Variants in PLA2G4A observed in about 807,000 individuals in gnomAD.
PLA2G4A encodes the protein cytosolic phospholipase A2.
In PLA2G4A, 40 loss-of-function variants were observed where a neutral mutation model predicts 81.9. The observed-to-expected ratio is 0.49, with a 90% CI of 0.38 to 0.64. The LOEUF (loss-of-function observed/expected upper bound fraction) is 0.64. Ranked by LOEUF, PLA2G4A falls within the 30% of genes least tolerant of loss-of-function variation. PLA2G4A has a pLI of 0.00. For missense variants in PLA2G4A, 715 were observed against 905.1 expected (o/e 0.79, Z 2.69); for synonymous variants, 302 against 296.9 (o/e 1.02, Z -0.18).
intron 1 of PLA2G4A, among the ~76,000 whole-genome samples, chr1:186,847,395 T>A (rs1237750759): frequency 6.6e-6 from 1 of 151,778 alleles, no homozygotes; most frequent in Non-Finnish European, 1.5e-5. Context: ...TGTCTATAGT[T>A]GTTTGCAATA....
chr1:186,954,413 G>C (rs931590817), intron 13 of PLA2G4A, among the ~76,000 whole-genome samples: 1 of 152,038 alleles, frequency 6.6e-6, no homozygotes, highest in Non-Finnish European at 1.5e-5. Context: ...CACCGGGTGG[G>C]GAACATCACA....
In PLA2G4A at chr1:186,870,886, G is replaced by A. The variant is rs12720509; in HGVS notation, c.115+370G>A. 1,101 of 492,260 alleles carry A rather than the reference G, an allele frequency of 2.2e-3. 4 individuals are homozygous for A. The highest frequency in any genetic ancestry group is 3.2e-3 in the Non-Finnish European group (872 of 272,592). The allele number at this position is 492,260 out of a possible 1,614,324, so 30.5% of individuals were successfully genotyped here. On this transcript the variant is annotated intron_variant, in intron 3 of 17. Coordinates refer to ENST00000367466, the MANE Select transcript of PLA2G4A (RefSeq NM_024420.3). Reference sequence around the variant, plus strand: ...CTGGATCTTTGAACGATAACATTTCGAACAGTTCTCTGATGCTATCTGTCA... The same window carrying A: ...CTGGATCTTTGAACGATAACATTTCAAACAGTTCTCTGATGCTATCTGTCA...
At chr1:186,841,179 T>C (rs1651966330) in intron 1 of PLA2G4A, among the ~76,000 whole-genome samples, 1 of 152,214 alleles carries the variant, frequency 6.6e-6, no homozygotes, top group African/African-American at 2.4e-5. Context: ...AACAATCTAA[T>C]ATTTGAAAGT....
At chr1:186,986,277 A>G (rs1657889087) in intron 17 of PLA2G4A, among the ~76,000 whole-genome samples, 1 of 152,224 alleles carries the variant, frequency 6.6e-6, no homozygotes, top group South Asian at 2.1e-4. Flanking sequence ...AATTGATAGC[A>G]GCAATCATTG....
intron 3 of PLA2G4A, among the ~76,000 whole-genome samples, chr1:186,885,954 CA>C (rs1021536112): frequency 1.3e-5 from 2 of 151,908 alleles, no homozygotes; most frequent in Non-Finnish European, 2.9e-5. Context: ...GGGAATAGGG[CA>C]AAAGTAATAT....
At chr1:186,976,843 A>G (rs1307292623) in intron 15 of PLA2G4A, among the ~76,000 whole-genome samples, 2 of 152,198 alleles carry the variant, frequency 1.3e-5, no homozygotes, top group African/African-American at 4.8e-5. Flanking sequence ...CTGACTGCGA[A>G]CACGTATTTC....
At chr1:186,893,249 G>C in intron 4 of PLA2G4A, 90 bp downstream of exon 4, 1 of 1,091,928 alleles carries the variant, frequency 9.2e-7, no homozygotes, top group Non-Finnish European at 1.4e-6. Context: ...TTTTGTTCCT[G>C]TTAGCTATAG....
intron 15 of PLA2G4A, among the ~76,000 whole-genome samples, chr1:186,967,768 A>G (rs1011071772): frequency 6.6e-6 from 1 of 152,098 alleles, no homozygotes; most frequent in Non-Finnish European, 1.5e-5. Flanking sequence ...ATCTGATTAG[A>G]AGTGACAGAT....
chr1:186,843,460 A>T (rs1293666006), intron 1 of PLA2G4A, among the ~76,000 whole-genome samples: 1 of 152,226 alleles, frequency 6.6e-6, no homozygotes, highest in Non-Finnish European at 1.5e-5. Context: ...TAGTAATTGA[A>T]TTATCACTCC....
chr1:186,872,341 C>A (rs1653303696), intron 3 of PLA2G4A, among the ~76,000 whole-genome samples: 1 of 152,082 alleles, frequency 6.6e-6, no homozygotes, highest in African/African-American at 2.4e-5. Flanking sequence ...CCACCATACT[C>A]TTAAGAAAAG....
chr1:186,932,920 T>C (rs755003493), intron 8 of PLA2G4A, 21 bp downstream of exon 8: 11 of 1,574,878 alleles, frequency 7.0e-6, no homozygotes, highest in Non-Finnish European at 9.6e-6. Flanking sequence ...ATTTTTAATT[T>C]TAGTTTTATA....
chr1:186,945,947 G>C (rs1656323034), intron 10 of PLA2G4A, among the ~76,000 whole-genome samples: 1 of 152,116 alleles, frequency 6.6e-6, no homozygotes, highest in African/African-American at 2.4e-5. Flanking sequence ...CTATCTACTT[G>C]TGATATGTGA....
chr1:186,939,285 T>C, intron 9 of PLA2G4A, 55 bp downstream of exon 9: 1 of 710,800 alleles, frequency 1.4e-6, no homozygotes, highest in South Asian at 2.0e-5. Context: ...GAACATATTA[T>C]AATATTATAT....
chr1:186,878,398 T>C (rs971531665), intron 3 of PLA2G4A, among the ~76,000 whole-genome samples: 8 of 149,568 alleles, frequency 5.3e-5, no homozygotes, highest in African/African-American at 2.0e-4. Flanking sequence ...AAATCAGTCT[T>C]CAGGTTATGA....
At chr1:186,893,220 G>T (rs917604361) in intron 4 of PLA2G4A, 61 bp downstream of exon 4, 1 of 1,440,710 alleles carries the variant, frequency 6.9e-7, no homozygotes, top group Non-Finnish European at 9.8e-7. Flanking sequence ...ACATGCTTGA[G>T]TTTGTCCTTT....
intron 3 of PLA2G4A, among the ~76,000 whole-genome samples, chr1:186,881,254 C>T (rs571510196): frequency 1.3e-5 from 2 of 152,102 alleles, no homozygotes; most frequent in Admixed American, 1.3e-4. Context: ...ATGAAATGTA[C>T]AGCTTAACTT....
chr1:186,870,118 A>T (rs1231694774), intron 2 of PLA2G4A, among the ~76,000 whole-genome samples: 2 of 152,144 alleles, frequency 1.3e-5, no homozygotes, highest in African/African-American at 4.8e-5. Flanking sequence ...AGGGCTTCCT[A>T]GTCAACAAGT....
At chr1:186,891,498 C>T (rs1211773103) in intron 3 of PLA2G4A, among the ~76,000 whole-genome samples, 3 of 152,112 alleles carry the variant, frequency 2.0e-5, no homozygotes, top group African/African-American at 7.2e-5. Context: ...CTTCTGCCCC[C>T]TCCATGGGTT....
At chr1:186,846,018 T>A (rs1652160545) in intron 1 of PLA2G4A, among the ~76,000 whole-genome samples, 1 of 152,182 alleles carries the variant, frequency 6.6e-6, no homozygotes, top group Non-Finnish European at 1.5e-5. Flanking sequence ...TTATTTAGCT[T>A]AGTTATAAGA....
Sources: gnomAD v4.1 joint callset for allele counts (sites outside exome capture counted in the v4.1 genomes callset) on GRCh38, gnomAD v4.1.1 for gene constraint, MANE v1.5 for transcripts, NCBI Gene and HGNC (gene_info 2026-07-23, HGNC 2026-07-21) for gene names.